The following CSMD3 variants were observed in gnomAD, a reference collection of about 807,000 sequenced individuals.
The protein encoded by CSMD3 is CUB and Sushi multiple domains 3.
In CSMD3, 177 loss-of-function variants were observed where a neutral mutation model predicts 435.2. The ratio of observed to expected loss-of-function variants is 0.41; its 90% confidence interval spans 0.36 to 0.46. CSMD3 has a LOEUF of 0.46. CSMD3 is among the 20% of genes least tolerant of loss of function. The pLI, the probability that CSMD3 is intolerant of heterozygous loss-of-function variation, is 0.34. For missense variants in CSMD3, 4,265 were observed against 4,504.6 expected, an observed-to-expected ratio of 0.95 and a Z score of 1.52; for synonymous variants, 1,656 against 1,520.5, an observed-to-expected ratio of 1.09 and a Z score of -2.07.
chr8:113,064,010 T>C (rs924274125), intron 5 of CSMD3, among the ~76,000 whole-genome samples: 1 of 151,596 alleles, frequency 6.6e-6, no homozygotes, highest in African/African-American at 2.4e-5. Flanking sequence ...AGTATATTAA[T>C]AATAGTCCTT....
intron 52 of CSMD3, among the ~76,000 whole-genome samples, chr8:112,302,422 G>T (rs2130763272): frequency 6.6e-6 from 1 of 151,936 alleles, no homozygotes; most frequent in African/African-American, 2.4e-5. Context: ...TTTTTGTCAA[G>T]AACTCTATCG....
At chr8:113,034,978 A>G (rs1306695635) in intron 5 of CSMD3, among the ~76,000 whole-genome samples, 1 of 152,042 alleles carries the variant, frequency 6.6e-6, no homozygotes, top group Admixed American at 6.6e-5. Flanking sequence ...AGATTTTAAC[A>G]ATCAACAACC....
At chr8:112,454,802 G>A (rs1006497704) in intron 32 of CSMD3, among the ~76,000 whole-genome samples, 11 of 151,944 alleles carry the variant, frequency 7.2e-5, no homozygotes, top group Admixed American at 5.9e-4. Context: ...ACTAGCCTGG[G>A]CAACATGATG....
chr8:113,112,386 CATATATAT>C (rs56256676), intron 4 of CSMD3, among the ~76,000 whole-genome samples: 71 of 74,858 alleles, frequency 9.5e-4, no homozygotes, highest in Non-Finnish European at 1.0e-3. Flanking sequence ...CCCAATAAAA[CATATATAT>C]ATATATATAT....
intron 24 of CSMD3, among the ~76,000 whole-genome samples, chr8:112,562,599 T>C (rs1828730438): frequency 6.6e-6 from 1 of 151,192 alleles, no homozygotes; most frequent in Non-Finnish European, 1.5e-5. Context: ...TTAATAAAAG[T>C]TGATATAATG....
chr8:113,372,935 C>T lies in CSMD3; in HGVS notation c.179-58142G>A, dbSNP rs1247661540. Among the ~76,000 whole-genome samples, 21 of 97,680 alleles carry T rather than the reference C, an allele frequency of 2.1e-4. No individual in the cohort carries two copies. The Admixed American group carries it at 2.8e-3, about 13-fold the overall frequency. 64.1% of individuals were successfully genotyped at this position (97,680 alleles called of 152,430 possible). ...CGGCCTGGGCGACAGAGCGAGACTC[C>T]GTCTCAAAAAAAAAAAAAAAGAAAG... is the stretch of plus-strand genomic sequence containing the variant. On this transcript the variant is annotated intron_variant, in intron 1 of 70. Transcript: ENST00000297405.
chr8:112,783,845 AC>A, intron 13 of CSMD3, among the ~76,000 whole-genome samples: 1 of 152,054 alleles, frequency 6.6e-6, no homozygotes, highest in African/African-American at 2.4e-5. Context: ...ATAAAAAGAG[AC>A]AAAGAAGGTC....
intron 13 of CSMD3, among the ~76,000 whole-genome samples, chr8:112,756,874 T>G (rs2132128285): frequency 6.6e-6 from 1 of 151,952 alleles, no homozygotes; most frequent in Non-Finnish European, 1.5e-5. Flanking sequence ...GTTCAAGCGA[T>G]TCTACTGCCT....
At chr8:113,435,493 T>G (rs2094700063) in intron 1 of CSMD3, among the ~76,000 whole-genome samples, 1 of 152,070 alleles carries the variant, frequency 6.6e-6, no homozygotes, top group Non-Finnish European at 1.5e-5. Flanking sequence ...ATAAACTGTT[T>G]CATAGAGACG....
chr8:112,976,842 T>C (rs1007214647), intron 6 of CSMD3, among the ~76,000 whole-genome samples: 9 of 152,046 alleles, frequency 5.9e-5, no homozygotes, highest in African/African-American at 2.2e-4. Flanking sequence ...ATTATGAAAT[T>C]TGGAAGTGGT....
intron 48 of CSMD3, 57 bp downstream of exon 48, chr8:112,314,372 T>C (rs1822265744): frequency 8.0e-7 from 1 of 1,250,084 alleles, no homozygotes; most frequent in African/African-American, 1.5e-5. Flanking sequence ...TTTACATGTA[T>C]AATTAGAACA....
chr8:112,874,336 G>T (rs1486228270), intron 10 of CSMD3, among the ~76,000 whole-genome samples: 5 of 152,022 alleles, frequency 3.3e-5, no homozygotes, highest in African/African-American at 1.2e-4. Flanking sequence ...CAATTATGTG[G>T]TCAATTTTAA....
At chr8:112,917,949 T>C (rs2082621578) in intron 10 of CSMD3, among the ~76,000 whole-genome samples, 1 of 151,904 alleles carries the variant, frequency 6.6e-6, no homozygotes, top group South Asian at 2.1e-4. Context: ...ATATCCACAA[T>C]AATTTCCAAG....
chr8:113,372,581 T>C (rs1679913463), intron 1 of CSMD3, among the ~76,000 whole-genome samples: 1 of 152,172 alleles, frequency 6.6e-6, no homozygotes, highest in Non-Finnish European at 1.5e-5. Context: ...TCATATAAGT[T>C]GGCACACAAC....
At chr8:113,114,675 C>T (rs1238690366) in intron 4 of CSMD3, among the ~76,000 whole-genome samples, 1 of 151,914 alleles carries the variant, frequency 6.6e-6, no homozygotes, top group African/African-American at 2.4e-5. Context: ...TACTGTAGAC[C>T]CCATTATTAA....
intron 63 of CSMD3, among the ~76,000 whole-genome samples, chr8:112,250,375 A>C (rs769735753): frequency 6.6e-6 from 1 of 151,758 alleles, no homozygotes; most frequent in Non-Finnish European, 1.5e-5. Context: ...AAATACTTAT[A>C]CCTAATATCT....
intron 68 of CSMD3, among the ~76,000 whole-genome samples, chr8:112,232,747 A>C (rs1359042761): frequency 1.3e-5 from 2 of 152,258 alleles, no homozygotes; most frequent in East Asian, 1.9e-4. Context: ...AGCTGCAAGA[A>C]AAAGGCATAG....
intron 13 of CSMD3, among the ~76,000 whole-genome samples, chr8:112,738,068 A>C (rs971036039): frequency 6.6e-6 from 1 of 151,836 alleles, no homozygotes; most frequent in African/African-American, 2.4e-5. Flanking sequence ...GCACACAGTG[A>C]TAAGACCTGA....
chr8:113,298,181 G>T (rs777759008), intron 2 of CSMD3, among the ~76,000 whole-genome samples: 56 of 152,082 alleles, frequency 3.7e-4, no homozygotes, highest in Admixed American at 3.5e-3. Flanking sequence ...ATATAGTTAG[G>T]TTGGTGTTGA....
Sources: allele counts gnomAD v4.1 joint callset (sites outside exome capture counted in the v4.1 genomes callset), GRCh38; gene constraint gnomAD v4.1.1; transcripts MANE v1.5; gene names NCBI Gene and HGNC (gene_info 2026-07-23, HGNC 2026-07-21).